MYO5A: variants seen among roughly 807,000 people sequenced by gnomAD.
MYO5A encodes myosin VA, also known as unconventional myosin-Va.
Under a neutral mutation model 249.7 loss-of-function variants are expected in MYO5A, and 98 were observed. That is an observed-to-expected ratio of 0.39 (90% CI 0.33 to 0.46). The LOEUF is 0.46. Among genes scored for constraint, MYO5A ranks in the 20% least tolerant of loss-of-function variants. The pLI, the probability that MYO5A is intolerant of heterozygous loss-of-function variation, is 0.98. For missense variants in MYO5A, 1,696 were observed against 2,308.8 expected (o/e 0.73, Z 5.44); for synonymous variants, 778 against 810.6 (o/e 0.96, Z 0.68).
At position 52,313,152 on chromosome 15, in the gene MYO5A, G is replaced by A. The variant is rs2037839247; in HGVS notation, c.*544C>T. 1 of 161,586 alleles carries A rather than the reference G, an allele frequency of 6.2e-6. No individual in the cohort carries two copies. Among genetic ancestry groups the A allele is most frequent in the South Asian group, 1.7e-4 (1 of 5,758 alleles). 10.0% of individuals were successfully genotyped at this position (161,586 alleles called of 1,614,324 possible). A position where few individuals can be genotyped will look rare whatever the true frequency, so the allele number is the denominator to read the frequency against. On this transcript the variant is annotated 3_prime_UTR_variant, in exon 42 of 42. Transcript: ENST00000399233. ...TCCTTTAATATCTCTATATCATAGTGACACAAATGAGGAATTACTTTACAT... is the reference window on the plus strand; with the variant it reads ...TCCTTTAATATCTCTATATCATAGTAACACAAATGAGGAATTACTTTACAT...
At chr15:52,476,893 G>C (rs1397391534) in intron 1 of MYO5A, among the ~76,000 whole-genome samples, 1 of 152,136 alleles carries the variant, frequency 6.6e-6, no homozygotes, top group Non-Finnish European at 1.5e-5. Context: ...TTCTCAAGGA[G>C]TATCTTTGTG....
chr15:52,330,381 C>G lies in MYO5A; in HGVS notation c.4527G>C (p.Glu1509Asp), dbSNP rs1213585712. ...GAATCAGGTTCTTAACAAGTTTTTG[C>G]TCATCCTCCTTCTTGTATTCCAGCA... is the stretch of plus-strand genomic sequence containing the variant. ...QGMLEYKKED[E>D]QKLVKNLILE... is the part of the protein sequence containing the mutation. The change falls in exon 35 of 42, where the codon GAG becomes GAC. Residue 1509 changes from glutamate to aspartate, a missense_variant. By Grantham distance (45) the Glu-to-Asp change is conservative. This residue lies in a region of MYO5A where 625 missense variants were observed against 908.1 expected (regional missense o/e 0.69). Coordinates refer to ENST00000399233, the MANE Select transcript of MYO5A (RefSeq NM_001382347.1). The G allele has an allele frequency of 1.2e-6, 2 of 1,614,122 alleles. No individual in the cohort carries two copies. The highest frequency in any genetic ancestry group is 2.2e-5 in the South Asian group (2 of 91,080).
chr15:52,422,264 C>T (rs1402197900), intron 4 of MYO5A, among the ~76,000 whole-genome samples: 1 of 152,166 alleles, frequency 6.6e-6, no homozygotes, highest in African/African-American at 2.4e-5. Flanking sequence ...GCTCAAGGAT[C>T]CTGGTTATTG....
chr15:52,447,806 T>C (rs1251212860), intron 1 of MYO5A, among the ~76,000 whole-genome samples: 1 of 152,258 alleles, frequency 6.6e-6, no homozygotes. Flanking sequence ...TCTAGGGATC[T>C]GTGGAACTTT....
chr15:52,500,288 C>T (rs1467107373), intron 1 of MYO5A, among the ~76,000 whole-genome samples: 1 of 150,918 alleles, frequency 6.6e-6, no homozygotes, highest in African/African-American at 2.4e-5. Flanking sequence ...TTTTCATGTG[C>T]TTATTAGCCA....
chr15:52,405,788 C>G lies in MYO5A; in HGVS notation c.947-395G>C, dbSNP rs192579996. Among the ~76,000 whole-genome samples the G allele has an allele frequency of 4.0e-3, 613 of 152,334 alleles. 3 individuals carry two copies. Among genetic ancestry groups the G allele is most frequent in the Admixed American group, 6.3e-3 (97 of 15,306 alleles). ...CATACTTAATACACGACATGACACACAGTAAGTGCTAAACAAATTGTTGTC... is the reference window on the plus strand; with the variant it reads ...CATACTTAATACACGACATGACACAGAGTAAGTGCTAAACAAATTGTTGTC... On this transcript the variant is annotated intron_variant, in intron 8 of 41. Coordinates refer to ENST00000399233, the MANE Select transcript of MYO5A (RefSeq NM_001382347.1).
intron 6 of MYO5A, 81 bp from the exon 7 acceptor site, chr15:52,408,221 TTTAA>T (rs1376020717): frequency 5.2e-5 from 41 of 785,120 alleles, no homozygotes; most frequent in Middle Eastern, 3.4e-4. Context: ...GATTTTAATA[TTTAA>T]TTATCTCAGT....
chr15:52,505,704 C>A, intron 1 of MYO5A: 2 of 1,304,358 alleles, frequency 1.5e-6, no homozygotes, highest in Non-Finnish European at 2.2e-6. Flanking sequence ...TAGTCTGGGA[C>A]TCATCTAAAC....
At position 52,367,097 on chromosome 15, in the gene MYO5A, T is replaced by A. The variant is rs754856360; in HGVS notation, c.3094A>T (p.Thr1032Ser). ...QLVSNLKEEN[T>S]LLKQEKEALN... ...GCTTCTTTTTCTTGCTTCAGCAAAG[T>A]ATTTTCTTCCTTCAGATTTGATACC... Residue 1032 changes from threonine (T) to serine (S), a missense_variant, in exon 23 of 42, where the codon ACT becomes TCT. By Grantham distance (58) the Thr-to-Ser change is moderately conservative (BLOSUM62 1). This residue lies in a region of MYO5A where 412 missense variants were observed against 453.3 expected (regional missense o/e 0.91). Coordinates refer to ENST00000399233, the MANE Select transcript of MYO5A (RefSeq NM_001382347.1). 2 of 1,613,702 alleles carry A rather than the reference T, an allele frequency of 1.2e-6. No individual in the cohort carries two copies. Among genetic ancestry groups the A allele is most frequent in the Non-Finnish European group, 8.5e-7 (1 of 1,179,696 alleles).
Position 52,376,484 on chromosome 15 carries a change from C to G in MYO5A, c.2283G>C (p.Leu761Phe). 1 of 1,614,134 alleles carries G rather than the reference C, an allele frequency of 6.2e-7. No homozygotes were observed. The highest frequency in any genetic ancestry group is 8.5e-7 in the Non-Finnish European group (1 of 1,180,024). ...RAGQVAYLEK[L>F]RADKLRAACI... is the part of the protein sequence containing the mutation. ...AGGCAGCTCTCAGTTTGTCAGCTCT[C>G]AATTTTTCTAGATAGGCCACTTGAC... Residue 761 changes from leucine to phenylalanine, a missense_variant, in exon 19 of 42, where the codon TTG (leucine) becomes TTC (phenylalanine). This residue lies in a region of MYO5A where 277 missense variants were observed against 422.4 expected (regional missense o/e 0.66). Transcript: ENST00000399233.
chr15:52,366,956 C>A, intron 23 of MYO5A, 75 bp downstream of exon 23: 1 of 1,172,798 alleles, frequency 8.5e-7, no homozygotes, highest in Non-Finnish European at 1.3e-6. Context: ...TGTTGTGTAA[C>A]TCATCAAATG....
Position 52,353,885 on chromosome 15 carries a change from G to A in MYO5A, c.3553C>T (p.Arg1185Cys), listed in dbSNP as rs751755968. ...GTGCTGCGCACCTTGGCCTTGCTGC[G>A]GAGCACCTGCTCCTCCTTGCGGTCC... ...ELDRKEEQVLRSKAKEEERPQ... is the reference protein window; with the variant it reads ...ELDRKEEQVLCSKAKEEERPQ... Residue 1185 changes from arginine to cysteine, a missense_variant, in exon 26 of 42, where the codon CGC becomes TGC. Arg to Cys is a radical substitution (Grantham distance 180, BLOSUM62 -3). This residue lies in a region of MYO5A where 625 missense variants were observed against 908.1 expected (regional missense o/e 0.69). Transcript: ENST00000399233. 7 of 1,613,906 alleles carry A rather than the reference G, an allele frequency of 4.3e-6. No homozygotes were observed. Among genetic ancestry groups the A allele is most frequent in the African/African-American group, 1.3e-5 (1 of 74,916 alleles).
In MYO5A at chr15:52,370,297, C is replaced by T. The variant is rs376989831; in HGVS notation, c.2938G>A (p.Val980Ile). Residue 980 changes from valine to isoleucine, a missense_variant, in exon 22 of 42, where the codon GTT becomes ATT. Physicochemically the swap from Val to Ile is conservative, Grantham distance 29. Coordinates refer to ENST00000399233, the MANE Select transcript of MYO5A (RefSeq NM_001382347.1). ...RLQLSEEEAK[V>I]ATGRVLSLQE... ...AGACTAAGGACCCGCCCAGTGGCAA[C>T]TTTCGCTTCCTCTTCACTTAGTTGA... The T allele has an allele frequency of 2.2e-5, 36 of 1,614,028 alleles. No homozygotes were observed. Among genetic ancestry groups the T allele is most frequent in the Non-Finnish European group, 2.8e-5 (33 of 1,180,014 alleles).
intron 1 of MYO5A, among the ~76,000 whole-genome samples, chr15:52,497,285 C>T (rs1005449421): frequency 6.6e-6 from 1 of 151,966 alleles, no homozygotes; most frequent in African/African-American, 2.4e-5. Flanking sequence ...TTAAAAGCAG[C>T]TGGCAGCAGA....
chr15:52,354,348 T>C (rs1485557226), intron 25 of MYO5A, among the ~76,000 whole-genome samples: 1 of 152,200 alleles, frequency 6.6e-6, no homozygotes, highest in Non-Finnish European at 1.5e-5. Context: ...AAAATTTAAA[T>C]GTGCATACCT....
chr15:52,528,770 G>T lies in MYO5A; in HGVS notation c.27+10C>A. 11 of 1,506,824 alleles carry T rather than the reference G, an allele frequency of 7.3e-6. No homozygotes were observed. Among genetic ancestry groups the T allele is most frequent in the Non-Finnish European group, 9.7e-6 (11 of 1,134,710 alleles). 93.3% of individuals were successfully genotyped at this position (1,506,824 alleles called of 1,614,324 possible). On this transcript the variant is annotated intron_variant, in intron 1 of 41. Transcript: ENST00000399233. ...CCCCAGTCCTCGACGCCGGCCGCGG[G>T]GTGCCTTACCTTTGTGTAGAGCTCC...
At chr15:52,341,283 C>T (rs1319796488) in intron 31 of MYO5A, among the ~76,000 whole-genome samples, 1 of 152,176 alleles carries the variant, frequency 6.6e-6, no homozygotes, top group Non-Finnish European at 1.5e-5. Flanking sequence ...TCTGAAATTT[C>T]CTATATATAT....
intron 33 of MYO5A, 82 bp downstream of exon 33, chr15:52,337,728 G>T: frequency 2.0e-6 from 2 of 998,764 alleles, no homozygotes; most frequent in Non-Finnish European, 2.9e-6. Flanking sequence ...CTGGGAGGGG[G>T]CAGGCAGCAG....
At chr15:52,518,663 C>A (rs1432298822) in intron 1 of MYO5A, among the ~76,000 whole-genome samples, 2 of 152,134 alleles carry the variant, frequency 1.3e-5, no homozygotes, top group East Asian at 3.8e-4. Flanking sequence ...GAGATCATAT[C>A]TTTAAAGGAA....
Sources: allele counts gnomAD v4.1 joint callset (sites outside exome capture counted in the v4.1 genomes callset), GRCh38; gene constraint gnomAD v4.1.1; regional missense constraint gnomAD v4.1.1; transcripts MANE v1.5; gene names NCBI Gene and HGNC (gene_info 2026-07-23, HGNC 2026-07-21).